The following OXR1 variants were observed in gnomAD, a reference collection of about 807,000 sequenced individuals.
The protein encoded by OXR1 is oxidation resistance 1.
OXR1 carries 41 observed loss-of-function variants against 104.6 expected under a neutral mutation model. The ratio of observed to expected loss-of-function variants is 0.39; its 90% CI spans 0.31 to 0.51. OXR1 has a LOEUF of 0.51. Ranked by LOEUF, OXR1 falls within the 20% of genes least tolerant of loss-of-function variation. OXR1 has a pLI of 0.77. For missense variants in OXR1, 955 were observed against 1,031.9 expected (o/e 0.93, Z 1.02); for synonymous variants, 348 against 348.4 (o/e 1.00, Z 0.01).
intron 3 of OXR1, among the ~76,000 whole-genome samples, chr8:106,587,476 C>T (rs1300501036): frequency 1.3e-5 from 2 of 152,184 alleles, no homozygotes; most frequent in Non-Finnish European, 2.9e-5. Context: ...AATATCTTAG[C>T]AAAGCTTGCT....
chr8:106,675,569 C>T (rs1392894595), intron 3 of OXR1, among the ~76,000 whole-genome samples: 2 of 152,144 alleles, frequency 1.3e-5, no homozygotes, highest in African/African-American at 4.8e-5. Context: ...AAAAGTCATT[C>T]AGGAGCAGAT....
At chr8:106,545,324 C>A (rs1406967558) in intron 3 of OXR1, among the ~76,000 whole-genome samples, 2 of 152,138 alleles carry the variant, frequency 1.3e-5, no homozygotes, top group Admixed American at 1.3e-4. Context: ...GTTATTTGAT[C>A]TAATGACTTA....
At chr8:106,661,715 T>C (rs1825786213) in intron 3 of OXR1, among the ~76,000 whole-genome samples, 1 of 152,238 alleles carries the variant, frequency 6.6e-6, no homozygotes, top group Non-Finnish European at 1.5e-5. Context: ...ACAGGATTCT[T>C]TGAGCACAAC....
intron 1 of OXR1, among the ~76,000 whole-genome samples, chr8:106,314,342 C>G (rs1357241405): frequency 6.6e-6 from 1 of 152,156 alleles, no homozygotes; most frequent in East Asian, 1.9e-4. Flanking sequence ...GCCACCATAC[C>G]ATTTTCACCA....
intron 2 of OXR1, among the ~76,000 whole-genome samples, chr8:106,468,658 A>C (rs2130670945): frequency 6.6e-6 from 1 of 151,866 alleles, no homozygotes; most frequent in Non-Finnish European, 1.5e-5. Context: ...TGTCACTGAA[A>C]GTTTTAAATT....
At chr8:106,375,163 T>A (rs1211629684) in intron 2 of OXR1, among the ~76,000 whole-genome samples, 1 of 152,222 alleles carries the variant, frequency 6.6e-6, no homozygotes, top group Non-Finnish European at 1.5e-5. Flanking sequence ...TCAGGCTCAT[T>A]GAAATTTTGA....
At chr8:106,697,717 G>C in intron 7 of OXR1, 6 of 1,614,036 alleles carry the variant, frequency 3.7e-6, no homozygotes, top group Non-Finnish European at 5.1e-6. Context: ...GCGCTCAGCT[G>C]CTTGCAGGAA....
chr8:106,418,657 C>T (rs75956285), intron 2 of OXR1, among the ~76,000 whole-genome samples: 2,691 of 151,778 alleles, frequency 0.018, 90 homozygotes, highest in South Asian at 0.15. Context: ...ATTTATTTAC[C>T]GAAGAGGAAT....
At chr8:106,282,393 T>C (rs1812325775) in intron 1 of OXR1, among the ~76,000 whole-genome samples, 1 of 152,220 alleles carries the variant, frequency 6.6e-6, no homozygotes. Flanking sequence ...TTAGACCTGC[T>C]GTTAGAACTT....
intron 9 of OXR1, among the ~76,000 whole-genome samples, chr8:106,709,884 A>C (rs1831523076): frequency 6.6e-6 from 1 of 152,146 alleles, no homozygotes; most frequent in South Asian, 2.1e-4. Flanking sequence ...ACATGAAAAT[A>C]GTGGGGTTCC....
chr8:106,682,340 C>T (rs1416676560), intron 4 of OXR1, among the ~76,000 whole-genome samples: 1 of 147,604 alleles, frequency 6.8e-6, no homozygotes, highest in Non-Finnish European at 1.5e-5. Context: ...GCAATCTCGG[C>T]TCACTGCAAG....
chr8:106,274,137 T>C (rs955999186), intron 1 of OXR1, among the ~76,000 whole-genome samples: 2 of 152,188 alleles, frequency 1.3e-5, no homozygotes, highest in Non-Finnish European at 2.9e-5. Flanking sequence ...AAGGTAAGAA[T>C]GTCGTATAAT....
At chr8:106,277,274 T>C (rs2130481470) in intron 1 of OXR1, among the ~76,000 whole-genome samples, 1 of 152,354 alleles carries the variant, frequency 6.6e-6, no homozygotes, top group South Asian at 2.1e-4. Flanking sequence ...TCCTCAGTTA[T>C]TAGCTACAAA....
chr8:106,422,304 A>G (rs1818937755), intron 2 of OXR1, among the ~76,000 whole-genome samples: 1 of 152,182 alleles, frequency 6.6e-6, no homozygotes, highest in South Asian at 2.1e-4. Context: ...CCTGTAGTAT[A>G]TATTACACAC....
intron 3 of OXR1, among the ~76,000 whole-genome samples, chr8:106,526,688 G>A (rs1279387918): frequency 3.9e-5 from 6 of 152,124 alleles, no homozygotes; most frequent in East Asian, 1.9e-4. Context: ...GACTACAGGC[G>A]TCCGCCACCA....
intron 3 of OXR1, among the ~76,000 whole-genome samples, chr8:106,610,754 G>A (rs1820755892): frequency 6.6e-6 from 1 of 152,156 alleles, no homozygotes; most frequent in Admixed American, 6.5e-5. Context: ...CAACTTAGAT[G>A]ACATTATTCG....
intron 2 of OXR1, among the ~76,000 whole-genome samples, chr8:106,443,539 G>C (rs964942629): frequency 6.6e-6 from 1 of 152,164 alleles, no homozygotes; most frequent in African/African-American, 2.4e-5. Flanking sequence ...TTGTGTGGGA[G>C]TCTAAGTCTC....
chr8:106,703,033 T>C lies in OXR1; in HGVS notation c.803T>C (p.Met268Thr), dbSNP rs752762175. The change falls in exon 8 of 17, where the codon ATG becomes ACG. Residue 268 changes from methionine (M) to threonine (T), a missense_variant. Around this residue, in one of 2 missense-constraint regions of OXR1, gnomAD observed 849 missense variants for 852.9 expected, o/e 1.00. Coordinates refer to ENST00000517566, the MANE Select transcript of OXR1 (RefSeq NM_001198533.2). ...ATCATGTGTCCAATGGAAGAGGTGA[T>C]GTCAGCTGCAATGTACAAAGAAATT... ...YGIMCPMEEV[M>T]SAAMYKEILD... 6.2e-7 allele frequency: 1 copy of C among 1,613,890 alleles called. No individual in the cohort carries two copies. Among genetic ancestry groups the C allele is most frequent in the Non-Finnish European group, 8.5e-7 (1 of 1,179,832 alleles).
At chr8:106,698,546 T>C (rs948542228) in intron 7 of OXR1, among the ~76,000 whole-genome samples, 1 of 152,172 alleles carries the variant, frequency 6.6e-6, no homozygotes, top group Non-Finnish European at 1.5e-5. Context: ...TACTTAACAT[T>C]GGGTCTCACA....
Sources: gnomAD v4.1 joint callset for allele counts (sites outside exome capture counted in the v4.1 genomes callset) on GRCh38, gnomAD v4.1.1 for gene constraint, gnomAD v4.1.1 regional missense constraint, MANE v1.5 for transcripts, NCBI Gene and HGNC (gene_info 2026-07-23, HGNC 2026-07-21) for gene names.